The following DRAM1 variants were observed in gnomAD, a reference collection of about 807,000 sequenced individuals.
The protein encoded by DRAM1 is DNA damage regulated autophagy modulator 1.
DRAM1 carries 25 observed loss-of-function variants against 28.5 expected under a neutral mutation model. That is an observed-to-expected ratio of 0.88 (90% CI 0.64 to 1.23). DRAM1 has a LOEUF of 1.23. Ranked by LOEUF, DRAM1 falls within the 50% of genes most tolerant of loss-of-function variation. The probability of loss-of-function intolerance (pLI) is 0.00; values close to 1 mark genes in which losing one functional copy is unlikely to be tolerated. For missense variants in DRAM1, 249 were observed against 299.2 expected (o/e 0.83, Z 1.24); for synonymous variants, 113 against 114.2 (o/e 0.99, Z 0.07).
intron 1 of DRAM1, among the ~76,000 whole-genome samples, chr12:101,893,082 C>G (rs1217305972): frequency 6.6e-6 from 1 of 152,166 alleles, no homozygotes; most frequent in Admixed American, 6.5e-5. Flanking sequence ...TTTACCATGG[C>G]AGTATTTGGC....
At chr12:101,892,511 C>G (rs1873177768) in intron 1 of DRAM1, among the ~76,000 whole-genome samples, 2 of 151,770 alleles carry the variant, frequency 1.3e-5, no homozygotes, top group South Asian at 4.2e-4. Context: ...GCCTCGGCCT[C>G]TCAGAGTGCT....
At chr12:101,901,493 C>G in intron 3 of DRAM1, 60 bp downstream of exon 3, 2 of 1,565,222 alleles carry the variant, frequency 1.3e-6, no homozygotes, top group East Asian at 2.2e-5. Flanking sequence ...CTGAAGAGAG[C>G]AGCAGAAATG....
At chr12:101,908,971 T>C (rs1272495419) in intron 4 of DRAM1, among the ~76,000 whole-genome samples, 5 of 145,666 alleles carry the variant, frequency 3.4e-5, no homozygotes, top group African/African-American at 2.6e-5. Context: ...CGGATAAAAG[T>C]GTAGATCAAG....
In DRAM1 at chr12:101,905,981, G is replaced by A. The variant is rs552705621; in HGVS notation, c.343-2205G>A. On this transcript the variant is annotated intron_variant, in intron 3 of 6. Transcript: ENST00000258534. Reference sequence around the variant, plus strand: ...GTTTTTGTATTTTTAGTAGATACGCGGTTTCACCACGTTGGCGAGGCTGGT... The same window carrying A: ...GTTTTTGTATTTTTAGTAGATACGCAGTTTCACCACGTTGGCGAGGCTGGT... 2.4e-4 allele frequency among the ~76,000 whole-genome samples: 36 copies of A among 152,012 alleles called. 1 individual carries two copies. The South Asian group carries it at 6.8e-3, about 29-fold the overall frequency.
At chr12:101,878,152 A>C (rs1422010823) in intron 1 of DRAM1, among the ~76,000 whole-genome samples, 3 of 152,110 alleles carry the variant, frequency 2.0e-5, no homozygotes, top group African/African-American at 7.2e-5. Context: ...GGCAGCAAGG[A>C]GAGGTTCAGG....
At chr12:101,891,230 G>T (rs1019927236) in intron 1 of DRAM1, among the ~76,000 whole-genome samples, 5 of 151,842 alleles carry the variant, frequency 3.3e-5, no homozygotes, top group Admixed American at 2.6e-4. Context: ...GGGGAATTAT[G>T]TTTTTTTTAG....
intron 5 of DRAM1, among the ~76,000 whole-genome samples, chr12:101,915,607 A>C (rs1312172687): frequency 6.6e-6 from 1 of 150,942 alleles, no homozygotes; most frequent in Non-Finnish European, 1.5e-5. Flanking sequence ...CAATGGCGCG[A>C]TCTCGGCTCA....
Position 101,883,901 on chromosome 12 carries a change from C to G in DRAM1, c.131+5981C>G, listed in dbSNP as rs1364704206. 2.0e-5 allele frequency among the ~76,000 whole-genome samples: 3 copies of G among 150,248 alleles called. No homozygotes were observed. In the East Asian group the frequency reaches 6.0e-4, roughly 30 times the overall value. On this transcript the variant is annotated intron_variant, in intron 1 of 6. Transcript: ENST00000258534. ...AGTGGACCGAGATTGTGCCACTGCACTCCAGCCTGGTGATAGAGCGAGACT... is the reference window on the plus strand; with the variant it reads ...AGTGGACCGAGATTGTGCCACTGCAGTCCAGCCTGGTGATAGAGCGAGACT...
At chr12:101,906,754 C>T (rs1873824923) in intron 3 of DRAM1, among the ~76,000 whole-genome samples, 1 of 149,762 alleles carries the variant, frequency 6.7e-6, no homozygotes. Context: ...ACTCGGGAGG[C>T]TGGGGCATGA....
At chr12:101,905,522 T>C (rs1873770052) in intron 3 of DRAM1, among the ~76,000 whole-genome samples, 1 of 152,148 alleles carries the variant, frequency 6.6e-6, no homozygotes, top group African/African-American at 2.4e-5. Context: ...GCTCAAGTGA[T>C]ACACCTGCCT....
At chr12:101,889,804 G>C (rs929092012) in intron 1 of DRAM1, among the ~76,000 whole-genome samples, 1 of 151,814 alleles carries the variant, frequency 6.6e-6, no homozygotes. Context: ...GCCATGCATG[G>C]TGGTGGGTGC....
intron 1 of DRAM1, among the ~76,000 whole-genome samples, chr12:101,891,431 G>C (rs1047796496): frequency 1.3e-5 from 2 of 152,168 alleles, no homozygotes; most frequent in Non-Finnish European, 2.9e-5. Flanking sequence ...GTTTGACCAA[G>C]CTTCAGAAAG....
intron 2 of DRAM1, among the ~76,000 whole-genome samples, chr12:101,898,854 A>G (rs1873487646): frequency 1.3e-5 from 2 of 152,368 alleles, no homozygotes; most frequent in Non-Finnish European, 2.9e-5. Context: ...CCTAAGATGC[A>G]GATGATAGGG....
At chr12:101,881,695 CAG>C (rs1168242379) in intron 1 of DRAM1, among the ~76,000 whole-genome samples, 1 of 152,174 alleles carries the variant, frequency 6.6e-6, no homozygotes, top group Non-Finnish European at 1.5e-5. Context: ...TACCTTCCTG[CAG>C]AGTTTTTCAC....
intron 1 of DRAM1, chr12:101,890,038 A>G: frequency 2.2e-6 from 1 of 453,336 alleles, no homozygotes; most frequent in Non-Finnish European, 4.4e-6. Flanking sequence ...TTGCCAAGGA[A>G]GTGTTCATTT....
chr12:101,897,770 G>A (rs1327899248), intron 1 of DRAM1, 93 bp from the exon 2 acceptor site: 3 of 870,960 alleles, frequency 3.4e-6, no homozygotes, highest in Non-Finnish European at 5.5e-6. Flanking sequence ...ACACCTAAAA[G>A]AAACAGAATA....
intron 1 of DRAM1, among the ~76,000 whole-genome samples, chr12:101,895,186 G>GTTTTTTTTTGTTTTGTTTTTT (rs1873300407): frequency 1.3e-4 from 10 of 75,718 alleles, no homozygotes; most frequent in Non-Finnish European, 2.3e-4. Context: ...AACCCTTCAG[G>GTTTTTTTTTGTTTTGTTTTTT]TTTTTTTTTT....
At chr12:101,905,051 C>G (rs1488777104) in intron 3 of DRAM1, among the ~76,000 whole-genome samples, 1 of 152,060 alleles carries the variant, frequency 6.6e-6, no homozygotes, top group Non-Finnish European at 1.5e-5. Context: ...GGTGCATCAC[C>G]ATGCCCAGCT....
At chr12:101,900,987 T>C (rs1873577544) in intron 2 of DRAM1, among the ~76,000 whole-genome samples, 1 of 152,080 alleles carries the variant, frequency 6.6e-6, no homozygotes, top group South Asian at 2.1e-4. Context: ...CTTGAAAAGA[T>C]CTCCATGGTA....
Sources: gnomAD v4.1 joint callset for allele counts (sites outside exome capture counted in the v4.1 genomes callset) on GRCh38, gnomAD v4.1.1 for gene constraint, MANE v1.5 for transcripts, NCBI Gene and HGNC (gene_info 2026-07-23, HGNC 2026-07-21) for gene names.